Variants in SELP observed in about 807,000 individuals in gnomAD.
The protein encoded by SELP is selectin P, also known as P-selectin.
A neutral mutation model predicts 104.1 loss-of-function variants in SELP; 92 were observed. The ratio of observed to expected loss-of-function variants is 0.88; its 90% CI spans 0.75 to 1.05. The LOEUF (loss-of-function observed/expected upper bound fraction) is 1.05, where lower values mean the gene tolerates loss of function less well. SELP is among the 50% of genes least tolerant of loss of function. The pLI is 0.00. For missense variants in SELP, 1,022 were observed against 1,017.3 expected (o/e 1.00, Z -0.06); for synonymous variants, 397 against 364.5 (o/e 1.09, Z -1.01).
At chr1:169,595,798 T>G (rs1661574506) in intron 12 of SELP, 127 bp downstream of exon 12, 2 of 776,594 alleles carry the variant, frequency 2.6e-6, no homozygotes, top group African/African-American at 3.4e-5. Flanking sequence ...TGGTGTGGAT[T>G]TCATAAGGGA....
chr1:169,629,975 G>T, intron 1 of SELP, 97 bp downstream of exon 1: 4 of 1,477,996 alleles, frequency 2.7e-6, no homozygotes, highest in African/African-American at 1.4e-5. Flanking sequence ...CATGGCTATC[G>T]CTGTTCCTCA....
At chr1:169,601,314 C>T (rs1407052596) in intron 10 of SELP, among the ~76,000 whole-genome samples, 1 of 152,076 alleles carries the variant, frequency 6.6e-6, no homozygotes, top group East Asian at 1.9e-4. Flanking sequence ...AATTCTTGAC[C>T]AGGGAAGCGA....
In SELP at chr1:169,603,182, G is replaced by C. The variant is rs2101885786; in HGVS notation, c.1549C>G (p.Gln517Glu). 1.9e-6 allele frequency: 3 copies of C among 1,613,872 alleles called. No individual in the cohort carries two copies. Among genetic ancestry groups the C allele is most frequent in the Non-Finnish European group, 8.5e-7 (1 of 1,179,812 alleles). The change falls in exon 10 of 17, where the codon CAG (glutamine) becomes GAG (glutamate). Residue 517 changes from glutamine (Q) to glutamate (E), a missense_variant. Transcript: ENST00000263686. ...AIPCTPLLSP[Q>E]NGTMTCVQPL... ...TGAACACAGGTCATTGTTCCATTCT[G>C]AGGGCTTAGCAAAGGTGTGCAGGGA...
At chr1:169,612,476 C>T in intron 5 of SELP, 74 bp from the exon 6 acceptor site, 2 of 1,447,530 alleles carry the variant, frequency 1.4e-6, no homozygotes, top group African/African-American at 1.4e-5. Flanking sequence ...CCTTCAAATT[C>T]TGCAGCAGTC....
At chr1:169,617,957 T>C (rs3917865) in intron 2 of SELP, among the ~76,000 whole-genome samples, 1,774 of 152,298 alleles carry the variant, frequency 0.012, 17 homozygotes, top group Non-Finnish European at 0.018. Context: ...TCTCTTCTTA[T>C]GTCTGATAAA....
intron 11 of SELP, among the ~76,000 whole-genome samples, chr1:169,596,387 G>C (rs1237882101): frequency 6.6e-6 from 1 of 152,156 alleles, no homozygotes; most frequent in Non-Finnish European, 1.5e-5. Context: ...CATTGTTGTT[G>C]CTATTTTAAA....
chr1:169,604,270 T>C (rs1357932682), intron 9 of SELP, among the ~76,000 whole-genome samples: 3 of 152,152 alleles, frequency 2.0e-5, no homozygotes, highest in Admixed American at 6.6e-5. Flanking sequence ...TGTCTGTTCA[T>C]ATCCTTTGCC....
intron 3 of SELP, among the ~76,000 whole-genome samples, chr1:169,614,186 G>T (rs972829781): frequency 6.6e-6 from 1 of 152,216 alleles, no homozygotes; most frequent in African/African-American, 2.4e-5. Flanking sequence ...AGCTCAGCTT[G>T]CACAGTGTTA....
At chr1:169,599,819 G>T (rs541847555) in intron 10 of SELP, among the ~76,000 whole-genome samples, 4 of 152,266 alleles carry the variant, frequency 2.6e-5, no homozygotes, top group Non-Finnish European at 4.4e-5. Context: ...ATTTTAGGAC[G>T]TGAGTAAGCA....
At chr1:169,600,066 T>C (rs1661822966) in intron 10 of SELP, among the ~76,000 whole-genome samples, 1 of 152,036 alleles carries the variant, frequency 6.6e-6, no homozygotes. Flanking sequence ...GCAGGTGGCA[T>C]CATCAAAGTT....
At chr1:169,611,703 A>T in intron 6 of SELP, 26 bp from the exon 7 acceptor site, 1 of 1,602,466 alleles carries the variant, frequency 6.2e-7, no homozygotes, top group Non-Finnish European at 8.5e-7. Context: ...AAGGATAAAG[A>T]GAAAGATACT....
chr1:169,591,605 C>T (rs1661359761), intron 14 of SELP, 149 bp from the exon 15 acceptor site: 5 of 501,434 alleles, frequency 1.0e-5, no homozygotes, highest in East Asian at 6.9e-5. Flanking sequence ...AACAGTTTCT[C>T]CCTGAAAGGT....
chr1:169,613,733 A>C, intron 3 of SELP, 40 bp from the exon 4 acceptor site: 2 of 1,544,464 alleles, frequency 1.3e-6, no homozygotes, highest in Non-Finnish European at 1.8e-6. Flanking sequence ...GGACATTCAC[A>C]GATGTGAGGA....
chr1:169,600,209 T>C (rs1032480674), intron 10 of SELP, among the ~76,000 whole-genome samples: 5 of 145,030 alleles, frequency 3.4e-5, no homozygotes, highest in African/African-American at 1.3e-4. Context: ...TTCAACTCGT[T>C]GTGGATCAAA....
Position 169,613,675 on chromosome 1 carries a change from G to T in SELP, c.500C>A (p.Ser167Tyr). 1 of 1,613,860 alleles carries T rather than the reference G, an allele frequency of 6.2e-7. No individual in the cohort carries two copies. The highest frequency in any genetic ancestry group is 8.5e-7 in the Non-Finnish European group (1 of 1,179,770). ...GAGGCACTCTCCTTGTTTGCTGCAG[G>T]ACATGTCCTGGCAGGAGGCTGCATA... ...LCYTASCQDMSCSKQGECLET... is the reference protein window; with the variant it reads ...LCYTASCQDMYCSKQGECLET... The change falls in exon 4 of 17, where the codon TCC becomes TAC. Residue 167 changes from serine to tyrosine, a missense_variant. Transcript: ENST00000263686.
chr1:169,604,607 C>T (rs1447104766), intron 9 of SELP, among the ~76,000 whole-genome samples: 2 of 152,200 alleles, frequency 1.3e-5, no homozygotes, highest in Admixed American at 1.3e-4. Flanking sequence ...CCCTTCATTC[C>T]TTCCCCTCTC....
At position 169,603,226 on chromosome 1, in the gene SELP, G is replaced by A. The variant is rs772449657; in HGVS notation, c.1520-15C>T. On this transcript the variant is annotated splice_polypyrimidine_tract_variant and intron_variant, in intron 9 of 16. Coordinates refer to ENST00000263686, the MANE Select transcript of SELP (RefSeq NM_003005.4). ...GCAGGGAATGGCTATCATGGGCATG[G>A]CAGAGGAGAAAAGAAGAGATCATTT... 1 of 1,601,758 alleles carries A rather than the reference G, an allele frequency of 6.2e-7. No individual in the cohort carries two copies. The highest frequency in any genetic ancestry group is 1.1e-5 in the South Asian group (1 of 90,172).
chr1:169,590,770 T>A, intron 15 of SELP, among the ~76,000 whole-genome samples: 1 of 152,196 alleles, frequency 6.6e-6, no homozygotes, highest in Admixed American at 6.5e-5. Context: ...AAAAATACCC[T>A]TGGGGGCATA....
intron 7 of SELP, 124 bp downstream of exon 7, chr1:169,611,368 T>C (rs1253818371): frequency 2.2e-6 from 2 of 919,348 alleles, no homozygotes; most frequent in Non-Finnish European, 3.3e-6. Flanking sequence ...TTCCTGGAGG[T>C]TGAAGAGCTT....
Sources: gnomAD v4.1 joint callset for allele counts (sites outside exome capture counted in the v4.1 genomes callset) on GRCh38, gnomAD v4.1.1 for gene constraint, MANE v1.5 for transcripts, NCBI Gene and HGNC (gene_info 2026-07-23, HGNC 2026-07-21) for gene names.